Variants in SPPL3 observed in about 807,000 individuals in gnomAD.
SPPL3 encodes the protein signal peptide peptidase-like 3.
A neutral mutation model predicts 42.4 loss-of-function variants in SPPL3; 5 were observed. The observed-to-expected ratio is 0.12, with a 90% CI of 0.06 to 0.25. SPPL3 has a LOEUF of 0.25. SPPL3 is among the 10% of genes least tolerant of loss of function. SPPL3 has a pLI of 1.00. For missense variants in SPPL3, 235 were observed against 489.0 expected (o/e 0.48, Z 4.90); for synonymous variants, 195 against 181.8 (o/e 1.07, Z -0.58).
At chr12:120,894,940 C>A (rs1346498140) in intron 1 of SPPL3, among the ~76,000 whole-genome samples, 1 of 119,332 alleles carries the variant, frequency 8.4e-6, no homozygotes, top group Non-Finnish European at 2.0e-5. Flanking sequence ...GAGTGAGAGT[C>A]CGTCTCAAAC....
chr12:120,830,777 G>A (rs919738414), intron 1 of SPPL3, among the ~76,000 whole-genome samples: 3 of 152,020 alleles, frequency 2.0e-5, no homozygotes, highest in Non-Finnish European at 4.4e-5. Context: ...CTATCAGGCT[G>A]ACTTTTTTGT....
intron 1 of SPPL3, among the ~76,000 whole-genome samples, chr12:120,825,115 T>G (rs181059837): frequency 6.6e-6 from 1 of 152,186 alleles, no homozygotes; most frequent in Non-Finnish European, 1.5e-5. Context: ...ACTAACACCT[T>G]AAACTCATTT....
chr12:120,767,342 G>A (rs368001539), intron 9 of SPPL3, 52 bp downstream of exon 9: 23 of 1,571,534 alleles, frequency 1.5e-5, no homozygotes, highest in Non-Finnish European at 2.0e-5. Flanking sequence ...AATTCCAAAG[G>A]TTGGAGGACA....
intron 1 of SPPL3, among the ~76,000 whole-genome samples, chr12:120,843,205 A>G (rs1403522262): frequency 1.3e-5 from 2 of 152,206 alleles, no homozygotes; most frequent in African/African-American, 4.8e-5. Flanking sequence ...TGACATTTCT[A>G]TAGATTCACA....
At chr12:120,898,312 TTTAAA>T (rs1277392963) in intron 1 of SPPL3, among the ~76,000 whole-genome samples, 3 of 108,602 alleles carry the variant, frequency 2.8e-5, no homozygotes, top group East Asian at 2.7e-4. Context: ...TTTTTTTTTT[TTTAAA>T]AAAAAAAAAA....
chr12:120,772,014 T>C (rs758844318), intron 6 of SPPL3, among the ~76,000 whole-genome samples: 2 of 152,216 alleles, frequency 1.3e-5, no homozygotes, highest in Non-Finnish European at 2.9e-5. Flanking sequence ...AACCAGTCAG[T>C]TGCTGCTGCT....
intron 3 of SPPL3, among the ~76,000 whole-genome samples, chr12:120,788,488 G>GC (rs1403155621): frequency 5.3e-5 from 8 of 152,072 alleles, no homozygotes; most frequent in Non-Finnish European, 8.8e-5. Context: ...GAGTCACATG[G>GC]CCCATCTAAC....
intron 1 of SPPL3, among the ~76,000 whole-genome samples, chr12:120,827,793 A>AT (rs397754270): frequency 0.39 from 57,279 of 148,384 alleles, 11,100 homozygotes; most frequent in African/African-American, 0.42. Context: ...GTCTCAAATA[A>AT]TTTTTTTTTT....
At chr12:120,897,224 A>C (rs1873835114) in intron 1 of SPPL3, among the ~76,000 whole-genome samples, 1 of 152,240 alleles carries the variant, frequency 6.6e-6, no homozygotes, top group Non-Finnish European at 1.5e-5. Context: ...TTAAGCATTT[A>C]AATTGATAGT....
intron 3 of SPPL3, among the ~76,000 whole-genome samples, chr12:120,789,059 A>G (rs1869818273): frequency 6.6e-6 from 1 of 152,210 alleles, no homozygotes; most frequent in Admixed American, 6.5e-5. Context: ...TTTGCAGTCT[A>G]TGCTAATCTG....
intron 3 of SPPL3, among the ~76,000 whole-genome samples, chr12:120,787,149 T>C (rs1423483467): frequency 1.3e-5 from 2 of 152,178 alleles, no homozygotes; most frequent in Non-Finnish European, 2.9e-5. Context: ...TGAACACTTA[T>C]TATATAGTAA....
intron 1 of SPPL3, among the ~76,000 whole-genome samples, chr12:120,829,916 T>C (rs1364271445): frequency 6.7e-6 from 1 of 149,078 alleles, no homozygotes; most frequent in South Asian, 2.1e-4. Flanking sequence ...ATCACTTGAA[T>C]GCGCGAGATA....
intron 2 of SPPL3, among the ~76,000 whole-genome samples, chr12:120,806,560 G>A (rs1014482418): frequency 3.9e-5 from 6 of 151,976 alleles, no homozygotes; most frequent in Non-Finnish European, 7.4e-5. Flanking sequence ...TAAAGAAAAC[G>A]TAGGAGAGCC....
At chr12:120,821,255 A>G (rs1315422792) in intron 1 of SPPL3, among the ~76,000 whole-genome samples, 1 of 152,248 alleles carries the variant, frequency 6.6e-6, no homozygotes, top group East Asian at 1.9e-4. Flanking sequence ...CTTCGATGGC[A>G]ATATGCTTCA....
At chr12:120,784,377 C>G in intron 4 of SPPL3, 97 bp downstream of exon 4, 1 of 1,286,394 alleles carries the variant, frequency 7.8e-7, no homozygotes, top group Non-Finnish European at 1.1e-6. Context: ...GAAAAACTTA[C>G]ATGACATGGT....
chr12:120,871,022 C>T (rs1270701073), intron 1 of SPPL3, among the ~76,000 whole-genome samples: 8 of 148,282 alleles, frequency 5.4e-5, no homozygotes, highest in East Asian at 2.1e-4. Context: ...CCCAGTTATT[C>T]GGGAGGCTGA....
rs202210744 is a variant in SPPL3, at chr12:120,841,492, TAG to T, written c.24-30608_24-30607del. Among the ~76,000 whole-genome samples the T allele has an allele frequency of 2.9e-3, 446 of 152,174 alleles. 4 individuals are homozygous for T. The highest frequency in any genetic ancestry group is 0.016 in the Admixed American group (240 of 15,290). ...CCCATCTCAACTCAGTTTTTCATTA[TAG>T]AGTCCTGAAACCTTCATGTTATGGA... On this transcript the variant is annotated intron_variant, in intron 1 of 10. Transcript: ENST00000353487.
intron 1 of SPPL3, among the ~76,000 whole-genome samples, chr12:120,891,620 T>C (rs1395448231): frequency 6.6e-6 from 1 of 152,110 alleles, no homozygotes; most frequent in Non-Finnish European, 1.5e-5. Context: ...AATATTACAT[T>C]GTTCAAAAGC....
At chr12:120,777,756 G>C (rs991722076) in intron 6 of SPPL3, among the ~76,000 whole-genome samples, 2 of 152,224 alleles carry the variant, frequency 1.3e-5, no homozygotes, top group Admixed American at 6.5e-5. Context: ...TTGCACTTCA[G>C]ACTGCTTATA....
Sources: gnomAD v4.1 joint callset for allele counts (sites outside exome capture counted in the v4.1 genomes callset) on GRCh38, gnomAD v4.1.1 for gene constraint, MANE v1.5 for transcripts, NCBI Gene and HGNC (gene_info 2026-07-23, HGNC 2026-07-21) for gene names.